GPC6: variants seen among roughly 807,000 people sequenced by gnomAD.
GPC6 encodes glypican-6.
A neutral mutation model predicts 55.2 loss-of-function variants in GPC6; 14 were observed. The ratio of observed to expected loss-of-function variants is 0.25; its 90% CI spans 0.17 to 0.40. The LOEUF is 0.40. GPC6 is among the 10% of genes least tolerant of loss of function. GPC6 has a pLI of 1.00. For synonymous variants in GPC6, 278 were observed against 259.6 expected, an observed-to-expected ratio of 1.07 and a Z score of -0.68; for missense variants, 641 against 708.5, an observed-to-expected ratio of 0.90 and a Z score of 1.08.
chr13:94,122,337 T>C (rs1886661053), intron 4 of GPC6, among the ~76,000 whole-genome samples: 1 of 152,058 alleles, frequency 6.6e-6, no homozygotes, highest in Admixed American at 6.6e-5. Flanking sequence ...ATACTCAGAT[T>C]GTTCTGCCTG....
chr13:94,175,759 T>A (rs1368022663), intron 4 of GPC6, among the ~76,000 whole-genome samples: 1 of 150,586 alleles, frequency 6.6e-6, no homozygotes, highest in Non-Finnish European at 1.5e-5. Context: ...AAGCATGATA[T>A]TGAGCATCTT....
intron 1 of GPC6, among the ~76,000 whole-genome samples, chr13:93,320,655 ACACT>A (rs1056209719): frequency 1.3e-5 from 2 of 151,934 alleles, no homozygotes; most frequent in African/African-American, 2.4e-5. Context: ...ATATACACAC[ACACT>A]CTATTATGAT....
intron 1 of GPC6, among the ~76,000 whole-genome samples, chr13:93,237,726 CTTAAG>C (rs60541463): frequency 0.26 from 38,967 of 151,772 alleles, 5,055 homozygotes; most frequent in African/African-American, 0.32. Context: ...TTTAATTCAT[CTTAAG>C]TTATTTTTTC....
At chr13:93,305,025 C>T (rs1019022433) in intron 1 of GPC6, among the ~76,000 whole-genome samples, 3 of 152,172 alleles carry the variant, frequency 2.0e-5, no homozygotes, top group African/African-American at 7.2e-5. Flanking sequence ...TCATTCTCTA[C>T]TTTCTGTTTG....
At chr13:94,279,545 T>A (rs2139075476) in intron 4 of GPC6, among the ~76,000 whole-genome samples, 1 of 152,330 alleles carries the variant, frequency 6.6e-6, no homozygotes, top group East Asian at 1.9e-4. Context: ...AGGGTATCGA[T>A]CTGAGATCTT....
intron 4 of GPC6, among the ~76,000 whole-genome samples, chr13:94,233,272 A>C (rs912877195): frequency 8.5e-5 from 13 of 152,170 alleles, no homozygotes; most frequent in Admixed American, 2.0e-4. Flanking sequence ...AAAAACAAAC[A>C]AACAACAATA....
intron 2 of GPC6, among the ~76,000 whole-genome samples, chr13:93,575,308 G>A (rs1413103029): frequency 1.3e-5 from 2 of 152,052 alleles, no homozygotes; most frequent in African/African-American, 4.8e-5. Flanking sequence ...AAACAAAAAG[G>A]TGAATTGTCT....
chr13:93,294,703 C>T (rs1878425428), intron 1 of GPC6, among the ~76,000 whole-genome samples: 1 of 152,116 alleles, frequency 6.6e-6, no homozygotes, highest in Admixed American at 6.5e-5. Flanking sequence ...CTGAAAACCC[C>T]AGTCAGTTTT....
intron 1 of GPC6, among the ~76,000 whole-genome samples, chr13:93,373,305 T>C (rs1468915258): frequency 1.3e-5 from 2 of 152,178 alleles, no homozygotes; most frequent in Non-Finnish European, 2.9e-5. Context: ...CAGATCATAA[T>C]GAAATAAGCA....
At chr13:93,737,104 G>A (rs1244915864) in intron 2 of GPC6, among the ~76,000 whole-genome samples, 3 of 152,074 alleles carry the variant, frequency 2.0e-5, no homozygotes, top group Non-Finnish European at 2.9e-5. Context: ...TCTTTCTGCT[G>A]TTTACTTTGA....
At chr13:94,364,782 G>T (rs989942258) in intron 6 of GPC6, among the ~76,000 whole-genome samples, 3 of 152,116 alleles carry the variant, frequency 2.0e-5, no homozygotes, top group African/African-American at 7.2e-5. Flanking sequence ...GGGGGTGGGG[G>T]TGTTTAGTTG....
chr13:94,144,404 A>AAC (rs59772537), intron 4 of GPC6, among the ~76,000 whole-genome samples: 16,161 of 142,966 alleles, frequency 0.11, 908 homozygotes, highest in South Asian at 0.15. Context: ...GTGCTTTTAA[A>AAC]ACACACACAC....
intron 4 of GPC6, among the ~76,000 whole-genome samples, chr13:94,153,990 A>G (rs1249224988): frequency 6.6e-6 from 1 of 152,180 alleles, no homozygotes; most frequent in Non-Finnish European, 1.5e-5. Context: ...TAAAATAACA[A>G]TTATTATTCT....
At chr13:93,726,277 C>T (rs184385545) in intron 2 of GPC6, among the ~76,000 whole-genome samples, 12 of 152,072 alleles carry the variant, frequency 7.9e-5, no homozygotes, top group African/African-American at 1.9e-4. Context: ...TCAGTCCTTT[C>T]GGAGGTTCTC....
chr13:93,412,508 T>C lies in GPC6; in HGVS notation c.161-132755T>C, dbSNP rs141799685. Among the ~76,000 whole-genome samples, 322 of 152,098 alleles carry C rather than the reference T, an allele frequency of 2.1e-3. 3 individuals carry two copies. Among genetic ancestry groups the C allele is most frequent in the African/African-American group, 7.0e-3 (289 of 41,486 alleles). ...CCTGTCTCTACTAAAAATTCAAAAATTAGCTGGGCATGGTGGCACATGCCT... is the reference window on the plus strand; with the variant it reads ...CCTGTCTCTACTAAAAATTCAAAAACTAGCTGGGCATGGTGGCACATGCCT... On this transcript the variant is annotated intron_variant, in intron 1 of 8. Coordinates refer to ENST00000377047, the MANE Select transcript of GPC6 (RefSeq NM_005708.5).
intron 1 of GPC6, among the ~76,000 whole-genome samples, chr13:93,368,321 T>TTCCCTCCCTCCC (rs1200781328): frequency 9.6e-6 from 1 of 104,050 alleles, no homozygotes; most frequent in African/African-American, 4.0e-5. Context: ...CCTTCCCTCC[T>TTCCCTCCCTCCC]TCCCTCCCTC....
chr13:93,637,885 GTAGCCGTCATAT>G (rs923780291), intron 2 of GPC6, among the ~76,000 whole-genome samples: 1 of 152,232 alleles, frequency 6.6e-6, no homozygotes, highest in Non-Finnish European at 1.5e-5. Flanking sequence ...TCCTCCATAT[GTAGCCGTCATAT>G]TAGAGATGAC....
chr13:94,027,874 C>A lies in GPC6; in HGVS notation c.857C>A (p.Thr286Lys). ...GCLANQADLD[T>K]EWNLFIDAML... ...TTGGCAAATCAGGCTGACCTCGACACAGAGTGGAATCTGTTTATAGGTAAG... is the reference window on the plus strand; with the variant it reads ...TTGGCAAATCAGGCTGACCTCGACAAAGAGTGGAATCTGTTTATAGGTAAG... Residue 286 changes from threonine to lysine, a missense_variant, in exon 4 of 9, where the codon ACA becomes AAA. Physicochemically the swap from Thr to Lys is moderately conservative, Grantham distance 78. Transcript: ENST00000377047. 6 of 1,613,970 alleles carry A rather than the reference C, an allele frequency of 3.7e-6. No homozygotes were observed. Among genetic ancestry groups the A allele is most frequent in the African/African-American group, 1.3e-5 (1 of 75,002 alleles).
chr13:93,327,510 T>C (rs1383923713), intron 1 of GPC6, among the ~76,000 whole-genome samples: 1 of 152,168 alleles, frequency 6.6e-6, no homozygotes, highest in Non-Finnish European at 1.5e-5. Flanking sequence ...TTCAGTCTCG[T>C]TAATAGATTG....
Sources: allele counts gnomAD v4.1 joint callset (sites outside exome capture counted in the v4.1 genomes callset), GRCh38; gene constraint gnomAD v4.1.1; transcripts MANE v1.5; gene names NCBI Gene and HGNC (gene_info 2026-07-23, HGNC 2026-07-21).